The following FAM13C variants were observed in gnomAD, a reference collection of about 807,000 sequenced individuals.
FAM13C encodes the protein protein FAM13C.
A neutral mutation model predicts 73.2 loss-of-function variants in FAM13C; 37 were observed. That is an observed-to-expected ratio of 0.51 (90% CI 0.39 to 0.67). FAM13C has a LOEUF of 0.67. FAM13C is among the 30% of genes least tolerant of loss of function. FAM13C has a pLI of 0.00. For missense variants in FAM13C, 589 were observed against 715.6 expected, an observed-to-expected ratio of 0.82 and a Z score of 2.02; for synonymous variants, 246 against 260.9, an observed-to-expected ratio of 0.94 and a Z score of 0.55.
intron 4 of FAM13C, 127 bp downstream of exon 4, chr10:59,323,861 T>A: frequency 1.2e-6 from 1 of 833,868 alleles, no homozygotes; most frequent in South Asian, 1.4e-5. Context: ...TTAAGCAGCT[T>A]TTCTGACTAT....
At chr10:59,331,837 G>T (rs981964691) in intron 3 of FAM13C, among the ~76,000 whole-genome samples, 3 of 152,160 alleles carry the variant, frequency 2.0e-5, no homozygotes, top group Non-Finnish European at 2.9e-5. Context: ...AGGACAGATG[G>T]TGATGCCAAA....
chr10:59,255,269 G>T (rs1485872601), intron 10 of FAM13C, among the ~76,000 whole-genome samples: 1 of 152,076 alleles, frequency 6.6e-6, no homozygotes, highest in Non-Finnish European at 1.5e-5. Flanking sequence ...CAAGAAGGAG[G>T]TTGGAGTTAC....
intron 8 of FAM13C, among the ~76,000 whole-genome samples, chr10:59,264,753 G>T (rs1179870099): frequency 6.6e-6 from 1 of 152,074 alleles, no homozygotes; most frequent in African/African-American, 2.4e-5. Flanking sequence ...TTGTTAGGGG[G>T]ATACACGGAT....
At chr10:59,297,521 T>G (rs1480747739) in intron 5 of FAM13C, among the ~76,000 whole-genome samples, 3 of 152,162 alleles carry the variant, frequency 2.0e-5, no homozygotes, top group African/African-American at 7.2e-5. Flanking sequence ...ACTCAGCGAC[T>G]TCCATCTGGG....
chr10:59,359,010 T>C (rs1856058611), intron 1 of FAM13C, among the ~76,000 whole-genome samples: 1 of 152,222 alleles, frequency 6.6e-6, no homozygotes. Flanking sequence ...AATAAATCAT[T>C]TCTGTCCTTT....
At chr10:59,313,157 C>T (rs1849132754) in intron 4 of FAM13C, among the ~76,000 whole-genome samples, 1 of 152,144 alleles carries the variant, frequency 6.6e-6, no homozygotes, top group African/African-American at 2.4e-5. Flanking sequence ...GTGATAACAC[C>T]TCAGAGAAAC....
chr10:59,254,962 A>T (rs1841810431), intron 10 of FAM13C, among the ~76,000 whole-genome samples: 1 of 152,156 alleles, frequency 6.6e-6, no homozygotes, highest in Non-Finnish European at 1.5e-5. Context: ...CTTAAAGGAT[A>T]CGTCCAAGTT....
intron 11 of FAM13C, chr10:59,253,896 C>T (rs1841657164): frequency 6.4e-6 from 1 of 157,064 alleles, no homozygotes; most frequent in African/African-American, 2.4e-5. Context: ...TGAAATAAAT[C>T]TTCTCATATC....
At chr10:59,264,313 G>A (rs143846178) in intron 8 of FAM13C, 147 bp from the exon 9 acceptor site, 29 of 616,182 alleles carry the variant, frequency 4.7e-5, no homozygotes, top group African/African-American at 2.0e-4. Flanking sequence ...AGAGAAATTC[G>A]GGTGTGAAAT....
At chr10:59,351,040 T>C (rs1392727990) in intron 3 of FAM13C, among the ~76,000 whole-genome samples, 1 of 152,158 alleles carries the variant, frequency 6.6e-6, no homozygotes, top group Non-Finnish European at 1.5e-5. Context: ...TCAATCTTTT[T>C]TAAAAGCATC....
intron 5 of FAM13C, among the ~76,000 whole-genome samples, chr10:59,294,731 C>T (rs1373024214): frequency 6.6e-6 from 1 of 152,188 alleles, no homozygotes; most frequent in Admixed American, 6.5e-5. Context: ...ATGTTGGCTA[C>T]GGGATGTCCT....
chr10:59,329,638 G>A (rs547689092), intron 3 of FAM13C, among the ~76,000 whole-genome samples: 2 of 151,984 alleles, frequency 1.3e-5, no homozygotes, highest in African/African-American at 2.4e-5. Context: ...GATTACAGTC[G>A]TAAGCAACTG....
intron 6 of FAM13C, among the ~76,000 whole-genome samples, chr10:59,279,556 C>A (rs1844700643): frequency 6.6e-6 from 1 of 152,116 alleles, no homozygotes; most frequent in Admixed American, 6.5e-5. Flanking sequence ...GCTAAAACTC[C>A]AAACCATCAA....
At chr10:59,353,002 C>T (rs1855272807) in intron 2 of FAM13C, among the ~76,000 whole-genome samples, 1 of 152,208 alleles carries the variant, frequency 6.6e-6, no homozygotes, top group African/African-American at 2.4e-5. Context: ...CCCCCTACAA[C>T]TTTCAGAGGT....
chr10:59,265,862 C>A (rs757620247), intron 8 of FAM13C, among the ~76,000 whole-genome samples: 2 of 152,170 alleles, frequency 1.3e-5, no homozygotes, highest in Non-Finnish European at 2.9e-5. Context: ...TTCTCATATA[C>A]AAGCTGTAGA....
At chr10:59,317,521 G>C (rs1023898661) in intron 4 of FAM13C, among the ~76,000 whole-genome samples, 37 of 152,200 alleles carry the variant, frequency 2.4e-4, no homozygotes, top group African/African-American at 8.4e-4. Context: ...GTTTCTTATA[G>C]AAATTGTATG....
At chr10:59,300,112 A>G (rs1158700183) in intron 5 of FAM13C, among the ~76,000 whole-genome samples, 2 of 152,166 alleles carry the variant, frequency 1.3e-5, no homozygotes, top group South Asian at 2.1e-4. Context: ...ACGCTACACC[A>G]TGTATCACTG....
At chr10:59,313,337 C>G (rs1245816488) in intron 4 of FAM13C, among the ~76,000 whole-genome samples, 1 of 152,174 alleles carries the variant, frequency 6.6e-6, no homozygotes, top group Non-Finnish European at 1.5e-5. Context: ...GCAGAGAATA[C>G]CAACTACATT....
At position 59,324,045 on chromosome 10, in the gene FAM13C, T is replaced by C. The variant is rs1417936950; in HGVS notation, c.386A>G (p.His129Arg). ...GAAGGCATTGTTTTGTGGACTCTCA[T>C]GAGCTGGTGTTCCTGCTCTCACCTG... Reference protein sequence around the residue: ...ECQVRAGTPAHESPQNNAFKC... With the variant: ...ECQVRAGTPARESPQNNAFKC... The change falls in exon 4 of 14, where the codon CAT becomes CGT. Residue 129 changes from histidine (H) to arginine (R), a missense_variant. Transcript: ENST00000618804. The C allele has an allele frequency of 3.7e-6, 6 of 1,613,622 alleles. 1 individual carries two copies. The highest frequency in any genetic ancestry group is 5.1e-6 in the Non-Finnish European group (6 of 1,179,644).
Sources: allele counts gnomAD v4.1 joint callset (sites outside exome capture counted in the v4.1 genomes callset), GRCh38; gene constraint gnomAD v4.1.1; transcripts MANE v1.5; gene names NCBI Gene and HGNC (gene_info 2026-07-23, HGNC 2026-07-21).